Variants in TBX15 observed in about 807,000 individuals in gnomAD.
TBX15 encodes the protein T-box transcription factor TBX15.
Under a neutral mutation model 53.9 loss-of-function variants are expected in TBX15, and 18 were observed. That is an observed-to-expected ratio of 0.33 (90% CI 0.23 to 0.49). TBX15 has a LOEUF of 0.49. Ranked by LOEUF, TBX15 falls within the 20% of genes least tolerant of loss-of-function variation. TBX15 has a pLI of 0.98. For synonymous variants in TBX15, 295 were observed against 278.0 expected, an observed-to-expected ratio of 1.06 and a Z score of -0.61; for missense variants, 692 against 749.5, an observed-to-expected ratio of 0.92 and a Z score of 0.90.
At chr1:118,941,293 T>A (rs1656168335) in intron 1 of TBX15, among the ~76,000 whole-genome samples, 1 of 152,172 alleles carries the variant, frequency 6.6e-6, no homozygotes, top group South Asian at 2.1e-4. Context: ...TGAGCACCAA[T>A]AAATAAACAA....
intron 7 of TBX15, chr1:118,890,787 C>T: frequency 1.2e-6 from 1 of 802,840 alleles, no homozygotes; most frequent in Non-Finnish European, 1.8e-6. Context: ...CTGTGCTTTT[C>T]TCCCTCCTCC....
chr1:118,925,399 G>A (rs1655561351), intron 3 of TBX15, among the ~76,000 whole-genome samples: 1 of 152,166 alleles, frequency 6.6e-6, no homozygotes, highest in African/African-American at 2.4e-5. Flanking sequence ...TTGCCTCTCT[G>A]CAACCATTTC....
At chr1:118,928,626 A>G (rs1053083035) in intron 2 of TBX15, among the ~76,000 whole-genome samples, 1 of 152,212 alleles carries the variant, frequency 6.6e-6, no homozygotes, top group African/African-American at 2.4e-5. Context: ...AAGTCCTCTC[A>G]TTTACTACCT....
intron 7 of TBX15, chr1:118,890,805 T>C (rs1654112274): frequency 9.1e-7 from 1 of 1,095,980 alleles, no homozygotes; most frequent in Non-Finnish European, 1.2e-6. Context: ...TCCCCCAAAA[T>C]TGAAAAACAG....
chr1:118,913,176 C>T (rs1655076241), intron 6 of TBX15, among the ~76,000 whole-genome samples: 1 of 151,716 alleles, frequency 6.6e-6, no homozygotes, highest in African/African-American at 2.4e-5. Context: ...AGACAGAATA[C>T]CAAAGATAAC....
intron 1 of TBX15, among the ~76,000 whole-genome samples, chr1:118,965,194 A>G (rs1192358449): frequency 6.6e-6 from 1 of 152,208 alleles, no homozygotes. Flanking sequence ...GAATGAGTTA[A>G]AGTAATGATT....
chr1:118,985,698 A>G (rs1240091820), intron 1 of TBX15, among the ~76,000 whole-genome samples: 2 of 152,130 alleles, frequency 1.3e-5, no homozygotes, highest in Non-Finnish European at 2.9e-5. Flanking sequence ...CCAAATACCC[A>G]TCTTTTTCTT....
intron 1 of TBX15, among the ~76,000 whole-genome samples, chr1:118,955,047 C>T (rs1388553399): frequency 6.6e-6 from 1 of 152,310 alleles, no homozygotes; most frequent in South Asian, 2.1e-4. Context: ...AATCCCTCTT[C>T]ATGGGTGGCA....
At chr1:118,895,693 A>C (rs1425464138) in intron 7 of TBX15, among the ~76,000 whole-genome samples, 1 of 152,164 alleles carries the variant, frequency 6.6e-6, no homozygotes, top group Admixed American at 6.6e-5. Flanking sequence ...TGGACTCTCC[A>C]AACACATAAA....
At chr1:118,953,295 C>A (rs769032583) in intron 1 of TBX15, among the ~76,000 whole-genome samples, 2 of 152,084 alleles carry the variant, frequency 1.3e-5, no homozygotes, top group Non-Finnish European at 2.9e-5. Context: ...GCCAACCAAA[C>A]GTAAAATACA....
intron 1 of TBX15, among the ~76,000 whole-genome samples, chr1:118,985,731 G>A (rs1657808641): frequency 1.3e-5 from 2 of 152,152 alleles, no homozygotes; most frequent in Non-Finnish European, 2.9e-5. Flanking sequence ...ATAACGTAAT[G>A]GGAAATGACC....
In TBX15 at chr1:118,884,621, A is replaced by AG. The variant is rs1384378067; in HGVS notation, c.*110_*111insC. On this transcript the variant is annotated 3_prime_UTR_variant, in exon 8 of 8. Coordinates refer to ENST00000369429, the MANE Select transcript of TBX15 (RefSeq NM_001330677.2). ...CTTCGGCCAGAAAAAAAAAAAAAAA[A>AG]AAAACACGGTTCCTGTTTTTCAAAG... is the stretch of plus-strand genomic sequence containing the variant. 5 of 1,370,426 alleles carry AG rather than the reference A, an allele frequency of 3.6e-6. No homozygotes were observed. In the Admixed American group the frequency reaches 9.5e-5, roughly 26 times the overall value. 84.9% of individuals were successfully genotyped at this position (1,370,426 alleles called of 1,614,324 possible).
At chr1:118,941,056 C>T (rs1484342859) in intron 1 of TBX15, among the ~76,000 whole-genome samples, 2 of 152,160 alleles carry the variant, frequency 1.3e-5, no homozygotes, top group East Asian at 3.9e-4. Flanking sequence ...AGGCTCTTGG[C>T]ATTTTTCCTG....
At chr1:118,889,790 T>G (rs933972124) in intron 7 of TBX15, among the ~76,000 whole-genome samples, 14 of 126,766 alleles carry the variant, frequency 1.1e-4, no homozygotes, top group Non-Finnish European at 2.1e-4. Flanking sequence ...ATCTGGCACA[T>G]AGGCATTAAT....
intron 7 of TBX15, among the ~76,000 whole-genome samples, chr1:118,887,674 A>AG (rs1653992637): frequency 6.6e-6 from 1 of 151,104 alleles, no homozygotes; most frequent in African/African-American, 2.4e-5. Flanking sequence ...AAACTCTCAA[A>AG]AAAAAAAAAA....
chr1:118,886,530 T>C (rs1251724943), intron 7 of TBX15, among the ~76,000 whole-genome samples: 1 of 152,194 alleles, frequency 6.6e-6, no homozygotes, highest in Non-Finnish European at 1.5e-5. Context: ...GGATCCTACC[T>C]CGGATGAACT....
At chr1:118,971,828 T>C (rs1279466736) in intron 1 of TBX15, among the ~76,000 whole-genome samples, 1 of 152,184 alleles carries the variant, frequency 6.6e-6, no homozygotes, top group Non-Finnish European at 1.5e-5. Context: ...GTCAATCTAA[T>C]AGGGCAAAAG....
chr1:118,938,381 A>G (rs1656034183), intron 1 of TBX15, among the ~76,000 whole-genome samples: 1 of 152,116 alleles, frequency 6.6e-6, no homozygotes, highest in Non-Finnish European at 1.5e-5. Flanking sequence ...TCTCCACTTA[A>G]CAAGCAGCAC....
At chr1:118,920,696 T>C (rs1655397217) in intron 5 of TBX15, among the ~76,000 whole-genome samples, 2 of 152,086 alleles carry the variant, frequency 1.3e-5, no homozygotes, top group Non-Finnish European at 2.9e-5. Flanking sequence ...GACATTAAGC[T>C]TGCAGTCCAA....
Sources: gnomAD v4.1 joint callset for allele counts (sites outside exome capture counted in the v4.1 genomes callset) on GRCh38, gnomAD v4.1.1 for gene constraint, MANE v1.5 for transcripts, NCBI Gene and HGNC (gene_info 2026-07-23, HGNC 2026-07-21) for gene names.